SMYD1: variants seen among roughly 807,000 people sequenced by gnomAD.
SMYD1 encodes histone-lysine N-methyltransferase SMYD1.
In SMYD1, 49 loss-of-function variants were observed where a neutral mutation model predicts 54.0. That is an observed-to-expected ratio of 0.91 (90% CI 0.72 to 1.15). SMYD1 has a LOEUF of 1.15. Among genes scored for constraint, SMYD1 ranks in the 50% most tolerant of loss-of-function variants. The probability of loss-of-function intolerance (pLI) is 0.00; values close to 1 mark genes in which losing one functional copy is unlikely to be tolerated. For synonymous variants in SMYD1, 269 were observed against 234.2 expected, an observed-to-expected ratio of 1.15 and a Z score of -1.36; for missense variants, 653 against 639.6, an observed-to-expected ratio of 1.02 and a Z score of -0.23.
At chr2:88,089,023 TG>T (rs1282971652) in intron 3 of SMYD1, among the ~76,000 whole-genome samples, 1 of 152,068 alleles carries the variant, frequency 6.6e-6, no homozygotes, top group African/African-American at 2.4e-5. Flanking sequence ...TTCACCATAT[TG>T]GGGGGCAAAG....
At chr2:88,089,977 G>C (rs944906688) in intron 3 of SMYD1, among the ~76,000 whole-genome samples, 2 of 152,132 alleles carry the variant, frequency 1.3e-5, no homozygotes, top group African/African-American at 4.8e-5. Context: ...GATAGGTCTG[G>C]GGACTAGGGC....
At chr2:88,106,252 T>G (rs1674864707) in intron 7 of SMYD1, 73 bp from the exon 8 acceptor site, 1 of 1,563,348 alleles carries the variant, frequency 6.4e-7, no homozygotes, top group African/African-American at 1.4e-5. Flanking sequence ...GGTATCACCA[T>G]GATGGTCGCG....
rs748803386 is a variant in SMYD1 at position 88,084,369 on chromosome 2, G to A, written c.191G>A (p.Arg64His). 7.5e-6 allele frequency: 12 copies of A among 1,601,006 alleles called. No individual in the cohort carries two copies. The highest frequency in any genetic ancestry group is 3.3e-5 in the South Asian group (3 of 90,618). ...TTCAAGAGGCAGGAGAAGCTCCATC[G>A]CTGTGGGCAGTGCAAGTTTGCCCAT... Reference protein sequence around the residue: ...TCFKRQEKLHRCGQCKFAHYC... With the variant: ...TCFKRQEKLHHCGQCKFAHYC... Residue 64 changes from arginine to histidine, a missense_variant, in exon 2 of 10, where the codon CGC becomes CAC. Transcript: ENST00000419482.
At chr2:88,096,060 G>A (rs1261173804) in intron 5 of SMYD1, among the ~76,000 whole-genome samples, 1 of 152,190 alleles carries the variant, frequency 6.6e-6, no homozygotes, top group Non-Finnish European at 1.5e-5. Context: ...AGTGGGCTAA[G>A]TCTCCTTAGG....
At chr2:88,071,218 T>C (rs920132900) in intron 1 of SMYD1, among the ~76,000 whole-genome samples, 1 of 152,216 alleles carries the variant, frequency 6.6e-6, no homozygotes, top group African/African-American at 2.4e-5. Context: ...TTTTTGCTCC[T>C]ATCTCTTGGA....
intron 5 of SMYD1, among the ~76,000 whole-genome samples, chr2:88,094,416 G>T (rs1239426717): frequency 2.0e-5 from 3 of 152,158 alleles, no homozygotes; most frequent in Admixed American, 2.0e-4. Context: ...CTGAACTATG[G>T]AATTGCAGAT....
chr2:88,109,005 G>T (rs538568938), intron 9 of SMYD1, among the ~76,000 whole-genome samples: 1 of 152,288 alleles, frequency 6.6e-6, no homozygotes, highest in South Asian at 2.1e-4. Flanking sequence ...CGAGGGATCT[G>T]CTCCCATGAC....
Position 88,106,507 on chromosome 2 carries a change from T to C in SMYD1, c.1145+19T>C. ...GCTATATGTAGGTGACGATTCTAGG[T>C]CTCAGATAGTCTCCTGGAAGTGTGT... On this transcript the variant is annotated intron_variant, in intron 8 of 9. Coordinates refer to ENST00000419482, the MANE Select transcript of SMYD1 (RefSeq NM_198274.4). 1 of 1,606,030 alleles carries C rather than the reference T, an allele frequency of 6.2e-7. No individual in the cohort carries two copies. The highest frequency in any genetic ancestry group is 8.5e-7 in the Non-Finnish European group (1 of 1,173,526).
intron 1 of SMYD1, among the ~76,000 whole-genome samples, chr2:88,078,148 G>A (rs1459579063): frequency 2.6e-5 from 4 of 152,158 alleles, no homozygotes; most frequent in Admixed American, 6.5e-5. Flanking sequence ...GGAGCTCAGC[G>A]ATCAACCTGG....
intron 7 of SMYD1, among the ~76,000 whole-genome samples, chr2:88,104,638 C>A (rs1045896890): frequency 6.6e-6 from 1 of 152,198 alleles, no homozygotes; most frequent in Non-Finnish European, 1.5e-5. Flanking sequence ...TTTTTCCACT[C>A]CCCGCCACCT....
intron 1 of SMYD1, among the ~76,000 whole-genome samples, chr2:88,077,562 T>G (rs557420940): frequency 2.0e-5 from 3 of 152,284 alleles, no homozygotes; most frequent in South Asian, 2.1e-4. Context: ...TGAATAGGAA[T>G]GTAAGACTCG....
At chr2:88,104,355 C>T (rs1222651830) in intron 7 of SMYD1, among the ~76,000 whole-genome samples, 3 of 152,226 alleles carry the variant, frequency 2.0e-5, no homozygotes, top group Non-Finnish European at 4.4e-5. Flanking sequence ...GGGTGGCCAA[C>T]ACAAGACACT....
chr2:88,107,711 C>T (rs903802701), intron 8 of SMYD1, among the ~76,000 whole-genome samples: 2 of 152,308 alleles, frequency 1.3e-5, no homozygotes, highest in South Asian at 2.1e-4. Context: ...TAGCAATGAG[C>T]GAGGCTCCAT....
chr2:88,109,324 T>C (rs907384265), intron 9 of SMYD1, among the ~76,000 whole-genome samples: 5 of 151,604 alleles, frequency 3.3e-5, no homozygotes, highest in Non-Finnish European at 7.4e-5. Flanking sequence ...TAACATGGAG[T>C]GGAGTTAGGG....
chr2:88,087,740 A>G, intron 2 of SMYD1, 122 bp from the exon 3 acceptor site: 2 of 826,872 alleles, frequency 2.4e-6, no homozygotes, highest in Non-Finnish European at 3.7e-6. Flanking sequence ...AATTCCATCC[A>G]TCTAGTTTAA....
At chr2:88,079,077 A>T (rs780011667) in intron 1 of SMYD1, among the ~76,000 whole-genome samples, 1 of 152,260 alleles carries the variant, frequency 6.6e-6, no homozygotes, top group Admixed American at 6.5e-5. Flanking sequence ...TTTTATGAAA[A>T]GTATTCGAAG....
chr2:88,086,043 A>G (rs1573108478), intron 2 of SMYD1, among the ~76,000 whole-genome samples: 2 of 152,338 alleles, frequency 1.3e-5, no homozygotes, highest in Admixed American at 6.5e-5. Context: ...GTAGGTGGAT[A>G]CATGAAGCTA....
chr2:88,082,895 C>G (rs560403788), intron 1 of SMYD1, among the ~76,000 whole-genome samples: 13 of 152,240 alleles, frequency 8.5e-5, no homozygotes, highest in African/African-American at 3.1e-4. Flanking sequence ...AAGCTTAACA[C>G]AAGGAGGAAG....
chr2:88,088,486 G>A (rs527525042), intron 3 of SMYD1, among the ~76,000 whole-genome samples: 1 of 152,138 alleles, frequency 6.6e-6, no homozygotes, highest in Non-Finnish European at 1.5e-5. Context: ...AAGGAGGACA[G>A]GAGTTTGAAG....
Sources: gnomAD v4.1 joint callset for allele counts (sites outside exome capture counted in the v4.1 genomes callset) on GRCh38, gnomAD v4.1.1 for gene constraint, MANE v1.5 for transcripts, NCBI Gene and HGNC (gene_info 2026-07-23, HGNC 2026-07-21) for gene names.